Variants in ACAD10 observed in about 807,000 individuals in gnomAD.
The protein encoded by ACAD10 is acyl-CoA dehydrogenase family member 10.
A neutral mutation model predicts 116.8 loss-of-function variants in ACAD10; 112 were observed. The ratio of observed to expected loss-of-function variants is 0.96; its 90% CI spans 0.82 to 1.12. The LOEUF is 1.12. ACAD10 is among the 50% of genes most tolerant of loss of function. The pLI, the probability that ACAD10 is intolerant of heterozygous loss-of-function variation, is 0.00. For missense variants in ACAD10, 1,259 were observed against 1,350.2 expected (o/e 0.93, Z 1.06); for synonymous variants, 486 against 510.6 (o/e 0.95, Z 0.65).
chr12:111,744,686 C>G lies in ACAD10; in HGVS notation c.1758C>G (p.Thr586=). 6.2e-7 allele frequency: 1 copy of G among 1,614,126 alleles called. No homozygotes were observed. Among genetic ancestry groups the G allele is most frequent in the Non-Finnish European group, 8.5e-7 (1 of 1,180,000 alleles). The change falls in exon 13 of 21, where the codon ACC becomes ACG. Residue 586 remains threonine (T), a synonymous_variant. Coordinates refer to ENST00000313698, the MANE Select transcript of ACAD10 (RefSeq NM_025247.6). ...STYAEQTGKL[T]EFVSNLAWDF... ...ATGCGGAACAAACTGGAAAGCTGAC[C>G]GAATTTGTGTCTAACCTGGCGTGGG...
chr12:111,706,004 T>C (rs1178285269), intron 4 of ACAD10, 72 bp downstream of exon 4: 2 of 1,517,968 alleles, frequency 1.3e-6, no homozygotes, highest in Non-Finnish European at 1.8e-6. Context: ...TGTTAAATGC[T>C]ATCTTCCAGC....
At chr12:111,689,210 A>G (rs1401182724) in intron 1 of ACAD10, among the ~76,000 whole-genome samples, 1 of 151,648 alleles carries the variant, frequency 6.6e-6, no homozygotes, top group Non-Finnish European at 1.5e-5. Flanking sequence ...TATATTTAAT[A>G]TATATATCAA....
At chr12:111,718,379 A>G (rs1888911477) in intron 7 of ACAD10, among the ~76,000 whole-genome samples, 1 of 151,904 alleles carries the variant, frequency 6.6e-6, no homozygotes, top group Admixed American at 6.6e-5. Flanking sequence ...CACTGCTGGT[A>G]TTAACTGATA....
At chr12:111,744,470 G>A (rs1269626018) in intron 12 of ACAD10, 173 bp from the exon 13 acceptor site, 2 of 756,408 alleles carry the variant, frequency 2.6e-6, no homozygotes, top group Non-Finnish European at 4.2e-6. Flanking sequence ...GGTGAAAGCA[G>A]TTGTATTGCT....
intron 6 of ACAD10, among the ~76,000 whole-genome samples, chr12:111,713,203 C>G (rs1420489707): frequency 1.3e-5 from 2 of 150,658 alleles, no homozygotes; most frequent in African/African-American, 4.9e-5. Flanking sequence ...CCCAGATACT[C>G]GGGAGGCTGA....
chr12:111,748,414 G>C lies in ACAD10; in HGVS notation c.2583G>C (p.Met861Ile), dbSNP rs1360893731. 4 of 1,614,116 alleles carry C rather than the reference G, an allele frequency of 2.5e-6. No individual in the cohort carries two copies. The Admixed American group carries it at 5.0e-5, about 20-fold the overall frequency. Residue 861 changes from methionine to isoleucine, a missense_variant, in exon 17 of 21, where the codon ATG becomes ATC. Met to Ile is a conservative substitution (Grantham distance 10, BLOSUM62 1). Transcript: ENST00000313698. ...AGCAGTCTGTGCTCTTGGTTCCCAT[G>C]GATACCCCAGGGATAAAAATCATCC... ...HRQQSVLLVP[M>I]DTPGIKIIRP...
intron 10 of ACAD10, among the ~76,000 whole-genome samples, chr12:111,732,609 T>C (rs1040434174): frequency 3.4e-4 from 52 of 152,242 alleles, no homozygotes; most frequent in African/African-American, 1.2e-3. Context: ...TTTTTCTGCA[T>C]GCTTGATGTT....
intron 8 of ACAD10, among the ~76,000 whole-genome samples, chr12:111,725,867 C>T (rs538376752): frequency 7.9e-5 from 12 of 152,174 alleles, no homozygotes; most frequent in African/African-American, 2.6e-4. Flanking sequence ...CACCAGTATA[C>T]CTAACTAACA....
intron 10 of ACAD10, among the ~76,000 whole-genome samples, chr12:111,731,608 TG>T (rs1196309927): frequency 2.6e-5 from 4 of 152,186 alleles, no homozygotes; most frequent in African/African-American, 9.7e-5. Context: ...TAGTGAAGTA[TG>T]ATGATCATTT....
rs187914017 is a variant in ACAD10 at position 111,743,270 on chromosome 12, A to T, written c.1715-1373A>T. Reference sequence around the variant, plus strand: ...ATTTATGGGACATCCTGGAAGAGACAGACTACAGAAACAGAGATCAGTGGG... The same window carrying T: ...ATTTATGGGACATCCTGGAAGAGACTGACTACAGAAACAGAGATCAGTGGG... On this transcript the variant is annotated intron_variant, in intron 12 of 20. Coordinates refer to ENST00000313698, the MANE Select transcript of ACAD10 (RefSeq NM_025247.6). Among the ~76,000 whole-genome samples the T allele has an allele frequency of 5.9e-5, 9 of 152,296 alleles. No individual in the cohort carries two copies. The East Asian group carries it at 1.7e-3, about 29-fold the overall frequency.
intron 14 of ACAD10, 61 bp from the exon 15 acceptor site, chr12:111,746,988 T>C (rs1889921804): frequency 3.3e-6 from 5 of 1,513,158 alleles, no homozygotes; most frequent in Non-Finnish European, 4.4e-6. Flanking sequence ...TGACAGAGCT[T>C]GACTCTGTTT....
chr12:111,748,245 A>G (rs1379215052), intron 16 of ACAD10, 72 bp from the exon 17 acceptor site: 1 of 1,584,148 alleles, frequency 6.3e-7, no homozygotes, highest in African/African-American at 1.3e-5. Context: ...TTCTTGGGCC[A>G]GGACCACGTG....
intron 11 of ACAD10, among the ~76,000 whole-genome samples, chr12:111,736,282 A>T (rs1407313810): frequency 6.9e-6 from 1 of 144,834 alleles, no homozygotes; most frequent in African/African-American, 2.6e-5. Context: ...TGCCTCCTGG[A>T]TTCATGCAAT....
chr12:111,734,133 T>G (rs993019588), intron 11 of ACAD10, 65 bp downstream of exon 11: 16 of 1,605,594 alleles, frequency 1.0e-5, no homozygotes, highest in African/African-American at 1.3e-5. Context: ...GGGAGCAAAC[T>G]CAGCTGAAGT....
chr12:111,747,695 T>G, intron 16 of ACAD10: 3 of 1,161,282 alleles, frequency 2.6e-6, no homozygotes, highest in African/African-American at 1.6e-5. Context: ...GCAGCTCCCC[T>G]TCCTTGGTGG....
intron 12 of ACAD10, among the ~76,000 whole-genome samples, chr12:111,744,186 G>A (rs1889824796): frequency 1.3e-5 from 2 of 152,320 alleles, no homozygotes; most frequent in South Asian, 4.1e-4. Flanking sequence ...AGACAGTGGT[G>A]TCTAGAAGTT....
Position 111,712,558 on chromosome 12 carries a change from G to A in ACAD10, c.751G>A (p.Val251Ile), listed in dbSNP as rs1394251018. ...LEALLGFTLR[V>I]GVPNTRPVKK... ...AGCTCTCTTGGGTTTTACATTGAGA[G>A]TAGGTGTTCCAAACACTCGGCCTGT... The change falls in exon 6 of 21, where the codon GTA becomes ATA. Residue 251 changes from valine to isoleucine, a missense_variant. Transcript: ENST00000313698. 22 of 1,614,138 alleles carry A rather than the reference G, an allele frequency of 1.4e-5. No homozygotes were observed. The highest frequency in any genetic ancestry group is 1.8e-5 in the Non-Finnish European group (21 of 1,179,990).
chr12:111,738,297 T>C (rs1232638376), intron 12 of ACAD10, among the ~76,000 whole-genome samples: 1 of 151,994 alleles, frequency 6.6e-6, no homozygotes, highest in Non-Finnish European at 1.5e-5. Flanking sequence ...AATACAAAAA[T>C]TAGCCAGGCA....
At chr12:111,711,685 T>C (rs1888690722) in intron 5 of ACAD10, among the ~76,000 whole-genome samples, 1 of 151,880 alleles carries the variant, frequency 6.6e-6, no homozygotes, top group African/African-American at 2.4e-5. Flanking sequence ...GCTAATTTTT[T>C]GTATTTTTAG....
Sources: allele counts gnomAD v4.1 joint callset (sites outside exome capture counted in the v4.1 genomes callset), GRCh38; gene constraint gnomAD v4.1.1; transcripts MANE v1.5; gene names NCBI Gene and HGNC (gene_info 2026-07-23, HGNC 2026-07-21).